The following RNF217 variants were observed in gnomAD, a reference collection of about 807,000 sequenced individuals.
RNF217 encodes the protein ring finger protein 217, also known as E3 ubiquitin-protein ligase RNF217.
In RNF217, 31 loss-of-function variants were observed where a neutral mutation model predicts 57.8. The observed-to-expected ratio is 0.54, with a 90% CI of 0.40 to 0.72. RNF217 has a LOEUF of 0.72. Ranked by LOEUF, RNF217 falls within the 30% of genes least tolerant of loss-of-function variation. The pLI, the probability that RNF217 is intolerant of heterozygous loss-of-function variation, is 0.00. For missense variants in RNF217, 696 were observed against 708.3 expected (o/e 0.98, Z 0.20); for synonymous variants, 313 against 294.0 (o/e 1.06, Z -0.66).
chr6:125,052,177 A>C (rs927521441), intron 2 of RNF217, among the ~76,000 whole-genome samples: 1 of 151,942 alleles, frequency 6.6e-6, no homozygotes, highest in Non-Finnish European at 1.5e-5. Flanking sequence ...TTGTGCAATA[A>C]ATAATTGTGT....
At chr6:125,011,166 A>C (rs540460349) in intron 1 of RNF217, among the ~76,000 whole-genome samples, 27 of 152,302 alleles carry the variant, frequency 1.8e-4, no homozygotes, top group Admixed American at 1.6e-3. Context: ...CTTCTTTTAA[A>C]GTTTTGTCTA....
In RNF217 at chr6:125,084,201, A is replaced by T. The variant is rs1199958986; in HGVS notation, c.*1264A>T. 1.3e-5 allele frequency: 2 copies of T among 151,930 alleles called. No individual in the cohort carries two copies. Among genetic ancestry groups the T allele is most frequent in the African/African-American group, 4.8e-5 (2 of 41,414 alleles). 9.4% of individuals were successfully genotyped at this position (151,930 alleles called of 1,614,324 possible). A position where few individuals can be genotyped will look rare whatever the true frequency, so the allele number is the denominator to read the frequency against. On this transcript the variant is annotated 3_prime_UTR_variant, in exon 6 of 6. Coordinates refer to ENST00000521654, the MANE Select transcript of RNF217 (RefSeq NM_001286398.3). ...CTGCTCAAACATAATATTTTTGGGG[A>T]CACCTTCTTATGGAGGAGTTTGAAA...
intron 1 of RNF217, among the ~76,000 whole-genome samples, chr6:125,043,053 A>C (rs1786948063): frequency 6.6e-6 from 1 of 152,052 alleles, no homozygotes; most frequent in Admixed American, 6.6e-5. Context: ...CAGACTCCTA[A>C]GATGGCTTCA....
chr6:125,074,459 T>G (rs919103453), intron 3 of RNF217, among the ~76,000 whole-genome samples: 2 of 152,196 alleles, frequency 1.3e-5, no homozygotes, highest in Non-Finnish European at 2.9e-5. Context: ...TGAGTTCTTT[T>G]GAAATTCATA....
chr6:124,991,431 C>G (rs1784556443), intron 1 of RNF217, among the ~76,000 whole-genome samples: 1 of 152,166 alleles, frequency 6.6e-6, no homozygotes, highest in Non-Finnish European at 1.5e-5. Context: ...TGCTACCAAC[C>G]CTCATCCCCC....
chr6:125,076,664 T>C lies in RNF217; in HGVS notation c.1289T>C (p.Ile430Thr). The C allele has an allele frequency of 6.2e-7, 1 of 1,609,664 alleles. No individual in the cohort carries two copies. The highest frequency in any genetic ancestry group is 8.5e-7 in the Non-Finnish European group (1 of 1,176,214). ...AQKCPKCKIH[I>T]QRTEGCDHMT... ...CCTCTCTTGCTGATACAGATCCACA[T>C]CCAGCGAACTGAAGGATGTGACCAT... The change falls in exon 4 of 6, where the codon ATC becomes ACC. Residue 430 changes from isoleucine (I) to threonine (T), a missense_variant. By Grantham distance (89) the Ile-to-Thr change is moderately conservative. Coordinates refer to ENST00000521654, the MANE Select transcript of RNF217 (RefSeq NM_001286398.3).
intron 1 of RNF217, among the ~76,000 whole-genome samples, chr6:125,035,437 A>T (rs1200697122): frequency 1.3e-5 from 2 of 152,208 alleles, no homozygotes; most frequent in African/African-American, 4.8e-5. Context: ...CCAGAATTTC[A>T]TATCCAGCCA....
In RNF217 at chr6:124,971,585, A is replaced by T. The variant is rs371283591; in HGVS notation, c.882+8159A>T. The T allele has an allele frequency of 3.0e-5, 7 of 232,146 alleles. No homozygotes were observed. In the East Asian group the frequency reaches 9.5e-4, roughly 31 times the overall value. 14.4% of individuals were successfully genotyped at this position (232,146 alleles called of 1,614,324 possible). Reference sequence around the variant, plus strand: ...ATTCTCCTGCCTCAGCCTTCCGAGTAGTTGGGACTACAGGTGCGTGCCACC... The same window carrying T: ...ATTCTCCTGCCTCAGCCTTCCGAGTTGTTGGGACTACAGGTGCGTGCCACC... On this transcript the variant is annotated intron_variant, in intron 1 of 5. Coordinates refer to ENST00000521654, the MANE Select transcript of RNF217 (RefSeq NM_001286398.3).
intron 1 of RNF217, among the ~76,000 whole-genome samples, chr6:125,040,730 G>C (rs1582742183): frequency 6.6e-6 from 1 of 152,092 alleles, no homozygotes; most frequent in East Asian, 1.9e-4. Flanking sequence ...ACATCAAAAA[G>C]CTTATCCACC....
At chr6:125,006,292 G>A (rs1252117023) in intron 1 of RNF217, 2 of 152,310 alleles carry the variant, frequency 1.3e-5, no homozygotes, top group Non-Finnish European at 2.9e-5. Flanking sequence ...TGCAGGAGCT[G>A]AGAAATTTCC....
intron 3 of RNF217, among the ~76,000 whole-genome samples, chr6:125,062,863 C>T (rs1787791793): frequency 1.3e-5 from 2 of 152,204 alleles, no homozygotes; most frequent in Non-Finnish European, 2.9e-5. Flanking sequence ...GCGTGAGCCA[C>T]TGCCTCATTG....
intron 1 of RNF217, among the ~76,000 whole-genome samples, chr6:125,002,389 G>C (rs1287343306): frequency 6.6e-6 from 1 of 152,096 alleles, no homozygotes; most frequent in Non-Finnish European, 1.5e-5. Flanking sequence ...TTTAATTACT[G>C]CCCTACTTCT....
At chr6:125,013,612 C>T (rs865843746) in intron 1 of RNF217, among the ~76,000 whole-genome samples, 8 of 151,312 alleles carry the variant, frequency 5.3e-5, no homozygotes, top group African/African-American at 1.7e-4. Context: ...TTATAGAGTT[C>T]GTATTCAGCT....
At chr6:125,009,633 C>G (rs899360939) in intron 1 of RNF217, 1 of 214,898 alleles carries the variant, frequency 4.7e-6, no homozygotes. Context: ...TCCCTCCTGC[C>G]CTTCCTTCCT....
At chr6:125,044,439 C>CATT (rs1378065865) in intron 1 of RNF217, among the ~76,000 whole-genome samples, 2 of 152,060 alleles carry the variant, frequency 1.3e-5, no homozygotes, top group Non-Finnish European at 2.9e-5. Context: ...TAATGCTAAA[C>CATT]ATATCTAGTA....
At chr6:125,056,495 A>G (rs539057561) in intron 2 of RNF217, among the ~76,000 whole-genome samples, 2 of 152,350 alleles carry the variant, frequency 1.3e-5, no homozygotes, top group South Asian at 2.1e-4. Context: ...CTTTTACTTC[A>G]TAGTTGCACA....
At chr6:124,978,513 G>A (rs898714610) in intron 1 of RNF217, among the ~76,000 whole-genome samples, 4 of 151,826 alleles carry the variant, frequency 2.6e-5, no homozygotes, top group Non-Finnish European at 4.4e-5. Context: ...TACAGTTCTC[G>A]CTTGTGGAGT....
chr6:125,085,258 G>A lies in RNF217; in HGVS notation c.*2321G>A, dbSNP rs904386364. 1 of 151,800 alleles carries A rather than the reference G, an allele frequency of 6.6e-6. No homozygotes were observed. Among genetic ancestry groups the A allele is most frequent in the Admixed American group, 6.6e-5 (1 of 15,202 alleles). 9.4% of individuals were successfully genotyped at this position (151,800 alleles called of 1,614,324 possible). A position where few individuals can be genotyped will look rare whatever the true frequency, so the allele number is the denominator to read the frequency against. ...AACTTTCCAATATTCCTGTTACAAA[G>A]TGGTGTCTGTTTTCAGTGATGGCTA... is the stretch of plus-strand genomic sequence containing the variant. On this transcript the variant is annotated 3_prime_UTR_variant, in exon 6 of 6. Transcript: ENST00000521654.
intron 1 of RNF217, among the ~76,000 whole-genome samples, chr6:125,021,411 G>A (rs1453781584): frequency 6.6e-6 from 1 of 151,656 alleles, no homozygotes; most frequent in African/African-American, 2.4e-5. Flanking sequence ...GATTACAGGT[G>A]CCTGCCACCA....
Sources: allele counts gnomAD v4.1 joint callset (sites outside exome capture counted in the v4.1 genomes callset), GRCh38; gene constraint gnomAD v4.1.1; transcripts MANE v1.5; gene names NCBI Gene and HGNC (gene_info 2026-07-23, HGNC 2026-07-21).